The following C10orf67 variants were observed in gnomAD, a reference collection of about 807,000 sequenced individuals.
The protein encoded by C10orf67 is uncharacterized protein C10orf67, mitochondrial.
In C10orf67, 60 loss-of-function variants were observed where a neutral mutation model predicts 35.6. The ratio of observed to expected loss-of-function variants is 1.68; its 90% CI spans 1.37 to 2.09. The LOEUF (loss-of-function observed/expected upper bound fraction) is 2.09, where lower values mean the gene tolerates loss of function less well. C10orf67 is among the 30% of genes most tolerant of loss of function. The pLI, the probability that C10orf67 is intolerant of heterozygous loss-of-function variation, is 0.00. For missense variants in C10orf67, 474 were observed against 330.2 expected (o/e 1.44, Z -3.38); for synonymous variants, 167 against 115.8 (o/e 1.44, Z -2.84).
chr10:23,218,862 T>C (rs1841503130), intron 15 of C10orf67, among the ~76,000 whole-genome samples: 1 of 152,198 alleles, frequency 6.6e-6, no homozygotes, highest in African/African-American at 2.4e-5. Context: ...CTGAAAACCT[T>C]AACAAATTAT....
At chr10:23,278,184 C>G (rs1564486483) in intron 8 of C10orf67, among the ~76,000 whole-genome samples, 1 of 152,170 alleles carries the variant, frequency 6.6e-6, no homozygotes, top group African/African-American at 2.4e-5. Flanking sequence ...CACATCCAAA[C>G]TGTATCACCA....
At chr10:23,280,489 T>C (rs1843337363) in intron 8 of C10orf67, among the ~76,000 whole-genome samples, 1 of 151,898 alleles carries the variant, frequency 6.6e-6, no homozygotes, top group Non-Finnish European at 1.5e-5. Flanking sequence ...GGTGGCGAAA[T>C]AGTGACCTCG....
chr10:23,322,543 A>C lies in C10orf67; in HGVS notation c.328-6T>G. 6.3e-7 allele frequency: 1 copy of C among 1,583,342 alleles called. No individual in the cohort carries two copies. The highest frequency in any genetic ancestry group is 8.7e-7 in the Non-Finnish European group (1 of 1,156,050). On this transcript the variant is annotated splice_region_variant and splice_polypyrimidine_tract_variant and intron_variant, in intron 2 of 15. Coordinates refer to ENST00000636213, the MANE Select transcript of C10orf67 (RefSeq NM_001371909.1). ...ACCTGGAGGGATTTCATCATCTAAA[A>C]ATGGAAAATATTATCCTTAGCGAAG...
chr10:23,238,055 C>T (rs1209722561), intron 13 of C10orf67, among the ~76,000 whole-genome samples: 1 of 152,202 alleles, frequency 6.6e-6, no homozygotes, highest in Non-Finnish European at 1.5e-5. Flanking sequence ...CTATTCTAAG[C>T]TCTGCAAGTA....
At position 23,203,966 on chromosome 10, in the gene C10orf67, T is replaced by C. The variant is rs548332735; in HGVS notation, c.*207A>G. Reference sequence around the variant, plus strand: ...CACCCAGCACCAGCCAGGGCTTTCCTTAAAGGCGTGGAAAGGAGCGCGCAC... The same window carrying C: ...CACCCAGCACCAGCCAGGGCTTTCCCTAAAGGCGTGGAAAGGAGCGCGCAC... On this transcript the variant is annotated 3_prime_UTR_variant, in exon 16 of 16. Transcript: ENST00000636213. 2.7e-6 allele frequency: 1 copy of C among 365,280 alleles called. No homozygotes were observed. The highest frequency in any genetic ancestry group is 4.9e-6 in the Non-Finnish European group (1 of 205,790). 22.6% of individuals were successfully genotyped at this position (365,280 alleles called of 1,614,324 possible). A position where few individuals can be genotyped will look rare whatever the true frequency, so the allele number is the denominator to read the frequency against.
At chr10:23,224,153 A>G (rs1192545340) in intron 13 of C10orf67, among the ~76,000 whole-genome samples, 1 of 152,176 alleles carries the variant, frequency 6.6e-6, no homozygotes, top group African/African-American at 2.4e-5. Context: ...GACACCCCAC[A>G]TGGCTGGGTA....
intron 12 of C10orf67, among the ~76,000 whole-genome samples, chr10:23,248,891 G>A (rs537056487): frequency 4.3e-4 from 66 of 151,994 alleles, no homozygotes; most frequent in African/African-American, 1.5e-3. Flanking sequence ...AGACCAAAAC[G>A]ATTAATATGA....
chr10:23,213,096 G>A (rs1841351383), intron 15 of C10orf67, among the ~76,000 whole-genome samples: 4 of 152,114 alleles, frequency 2.6e-5, no homozygotes, highest in Admixed American at 2.6e-4. Context: ...TAAAATTTTG[G>A]AAATAGAAGA....
At chr10:23,303,555 A>T in intron 4 of C10orf67, 96 bp from the exon 5 acceptor site, 1 of 440,094 alleles carries the variant, frequency 2.3e-6, no homozygotes, top group Non-Finnish European at 4.1e-6. Context: ...AAAATTAGAC[A>T]CCACCAGAAA....
intron 15 of C10orf67, among the ~76,000 whole-genome samples, chr10:23,210,882 T>C (rs1841288615): frequency 6.6e-6 from 1 of 152,198 alleles, no homozygotes; most frequent in Non-Finnish European, 1.5e-5. Context: ...GGAACATATC[T>C]CTTTTATGGT....
chr10:23,216,638 A>T (rs140447597), intron 15 of C10orf67, among the ~76,000 whole-genome samples: 10 of 152,318 alleles, frequency 6.6e-5, no homozygotes, highest in African/African-American at 2.4e-4. Flanking sequence ...TATACTATAC[A>T]GCAGGTAAAA....
chr10:23,262,480 C>T (rs565783935), intron 10 of C10orf67, among the ~76,000 whole-genome samples: 2 of 152,272 alleles, frequency 1.3e-5, no homozygotes, highest in East Asian at 3.9e-4. Context: ...CAATGGCTGA[C>T]AGTGCTTTGG....
At chr10:23,232,392 T>G (rs1841935684) in intron 13 of C10orf67, among the ~76,000 whole-genome samples, 1 of 152,072 alleles carries the variant, frequency 6.6e-6, no homozygotes, top group South Asian at 2.1e-4. Flanking sequence ...CATAAGAAAA[T>G]TACTAACTAT....
At chr10:23,230,220 G>A (rs915527895) in intron 13 of C10orf67, among the ~76,000 whole-genome samples, 3 of 151,996 alleles carry the variant, frequency 2.0e-5, no homozygotes, top group African/African-American at 4.8e-5. Flanking sequence ...GGAGAAGACA[G>A]ACTTTTTATT....
chr10:23,279,743 C>CATAT (rs1843311009), intron 8 of C10orf67, among the ~76,000 whole-genome samples: 1 of 151,758 alleles, frequency 6.6e-6, no homozygotes, highest in Non-Finnish European at 1.5e-5. Context: ...TCCTCAAAAG[C>CATAT]CATTCTAAGG....
chr10:23,288,857 G>A (rs1281891971), intron 7 of C10orf67, among the ~76,000 whole-genome samples: 1 of 152,140 alleles, frequency 6.6e-6, no homozygotes, highest in Non-Finnish European at 1.5e-5. Flanking sequence ...TTGTTTATCT[G>A]TAAACTGTAT....
At chr10:23,265,148 AGAG>A (rs1436779096) in intron 10 of C10orf67, among the ~76,000 whole-genome samples, 1 of 152,238 alleles carries the variant, frequency 6.6e-6, no homozygotes, top group African/African-American at 2.4e-5. Context: ...AAATGCTCAC[AGAG>A]GAGAATGCTT....
At chr10:23,274,382 C>T (rs1205665231) in intron 8 of C10orf67, among the ~76,000 whole-genome samples, 1 of 152,092 alleles carries the variant, frequency 6.6e-6, no homozygotes, top group Non-Finnish European at 1.5e-5. Context: ...GTATTTCATC[C>T]CTTATCTCAA....
chr10:23,335,948 C>T (rs1400556035), intron 1 of C10orf67, among the ~76,000 whole-genome samples: 1 of 152,158 alleles, frequency 6.6e-6, no homozygotes, highest in East Asian at 1.9e-4. Context: ...TTCTTTTCTA[C>T]CTTCTTTTGC....
Sources: allele counts gnomAD v4.1 joint callset (sites outside exome capture counted in the v4.1 genomes callset), GRCh38; gene constraint gnomAD v4.1.1; transcripts MANE v1.5; gene names NCBI Gene and HGNC (gene_info 2026-07-23, HGNC 2026-07-21).